XXYLT1: variants seen among roughly 807,000 people sequenced by gnomAD.
XXYLT1 encodes the protein xyloside xylosyltransferase 1.
A neutral mutation model predicts 28.9 loss-of-function variants in XXYLT1; 20 were observed. The ratio of observed to expected loss-of-function variants is 0.69; its 90% CI spans 0.49 to 1.00. The LOEUF (loss-of-function observed/expected upper bound fraction) is 1.00. Among genes scored for constraint, XXYLT1 ranks in the 50% least tolerant of loss-of-function variants. The probability of loss-of-function intolerance (pLI) is 0.00; values close to 1 mark genes in which losing one functional copy is unlikely to be tolerated. For synonymous variants in XXYLT1, 257 were observed against 253.8 expected (o/e 1.01, Z -0.12); for missense variants, 542 against 560.1 (o/e 0.97, Z 0.33).
chr3:195,139,341 GA>G (rs561035251), intron 3 of XXYLT1, among the ~76,000 whole-genome samples: 129 of 152,336 alleles, frequency 8.5e-4, no homozygotes, highest in African/African-American at 2.7e-3. Flanking sequence ...GACCTTCTAA[GA>G]GGCGGAAAAT....
At chr3:195,120,288 C>CCG (rs1428225844) in intron 3 of XXYLT1, among the ~76,000 whole-genome samples, 1 of 142,278 alleles carries the variant, frequency 7.0e-6, no homozygotes, top group Admixed American at 7.0e-5. Context: ...TCAGATGCCC[C>CCG]CCCCGCCCCA....
chr3:195,117,645 C>CT (rs1718118399), intron 3 of XXYLT1, among the ~76,000 whole-genome samples: 1 of 151,542 alleles, frequency 6.6e-6, no homozygotes, highest in Admixed American at 6.6e-5. Flanking sequence ...CTCCATGCAC[C>CT]CCCCTCTCTC....
chr3:195,114,862 T>C (rs2108603145), intron 3 of XXYLT1, among the ~76,000 whole-genome samples: 1 of 152,322 alleles, frequency 6.6e-6, no homozygotes, highest in South Asian at 2.1e-4. Context: ...CGCTCAGTGG[T>C]CTCCCTGCCG....
rs1718517469 is a variant in XXYLT1 at position 195,124,510 on chromosome 3, T to C, written c.785+31939A>G. Among the ~76,000 whole-genome samples, 2 of 152,108 alleles carry C rather than the reference T, an allele frequency of 1.3e-5. No individual in the cohort carries two copies. Among genetic ancestry groups the C allele is most frequent in the Non-Finnish European group, 2.9e-5 (2 of 68,034 alleles). ...ATAATTTGTCTAGTGTTTCTAGGCC[T>C]CCCCCTCTAGACTGTGAATTCCGTG... On this transcript the variant is annotated intron_variant, in intron 3 of 3. Coordinates refer to ENST00000310380, the MANE Select transcript of XXYLT1 (RefSeq NM_152531.5). This position sits in a 1 kb window ranked among gnomAD's most constrained non-coding sequence, Gnocchi z 4.1.
chr3:195,223,637 A>C (rs1162059306), intron 2 of XXYLT1, among the ~76,000 whole-genome samples: 3 of 152,234 alleles, frequency 2.0e-5, no homozygotes, highest in African/African-American at 7.2e-5. Context: ...TCAAGACAGC[A>C]CGAATGATGT....
rs186650069 is a variant in XXYLT1, at chr3:195,077,998, A to G, written c.786-7887T>C. On this transcript the variant is annotated intron_variant, in intron 3 of 3. Coordinates refer to ENST00000310380, the MANE Select transcript of XXYLT1 (RefSeq NM_152531.5). This position sits in a 1 kb window ranked among gnomAD's most constrained non-coding sequence, Gnocchi z 4.8. ...CTCACTCAGTCACATGCAGCCCCGG[A>G]GCCTCGGCCCTGGGAGGGGCAAGGG... Among the ~76,000 whole-genome samples the G allele has an allele frequency of 4.6e-5, 7 of 152,190 alleles. No individual in the cohort carries two copies. Among genetic ancestry groups the G allele is most frequent in the Non-Finnish European group, 1.0e-4 (7 of 68,010 alleles).
In XXYLT1 at chr3:195,088,705, G is replaced by A. The variant is rs1159475713; in HGVS notation, c.786-18594C>T. Reference sequence around the variant, plus strand: ...GACTTTGACGAGCTGAGAGAAGAAGGCTTCAGACGATCAAATTACTCTGAG... The same window carrying A: ...GACTTTGACGAGCTGAGAGAAGAAGACTTCAGACGATCAAATTACTCTGAG... On this transcript the variant is annotated intron_variant, in intron 3 of 3. Transcript: ENST00000310380. 9.2e-5 allele frequency among the ~76,000 whole-genome samples: 13 copies of A among 141,532 alleles called. No homozygotes were observed. In the East Asian group the frequency reaches 1.7e-3, roughly 19 times the overall value. 92.9% of individuals were successfully genotyped at this position (141,532 alleles called of 152,430 possible).
chr3:195,106,604 C>A (rs1195517604), intron 3 of XXYLT1, among the ~76,000 whole-genome samples: 2 of 152,230 alleles, frequency 1.3e-5, no homozygotes, highest in Non-Finnish European at 2.9e-5. Context: ...CCCCTGCCGG[C>A]GAGGCGCGGA....
At chr3:195,234,400 C>T (rs1360723567) in intron 1 of XXYLT1, among the ~76,000 whole-genome samples, 2 of 144,684 alleles carry the variant, frequency 1.4e-5, no homozygotes, top group African/African-American at 5.2e-5. Context: ...TCACTGCAAC[C>T]TCTTGCCTCC....
chr3:195,264,806 TG>T (rs772008238), intron 1 of XXYLT1, among the ~76,000 whole-genome samples: 1 of 152,150 alleles, frequency 6.6e-6, no homozygotes, highest in Non-Finnish European at 1.5e-5. Context: ...GGCTCACAAC[TG>T]CAGTCCAACA....
chr3:195,120,547 A>C (rs1312507580), intron 3 of XXYLT1, among the ~76,000 whole-genome samples: 2 of 152,176 alleles, frequency 1.3e-5, no homozygotes, highest in African/African-American at 2.4e-5. Context: ...CACCCCAATA[A>C]CATTAACTAA....
chr3:195,160,728 C>G (rs570386813), intron 2 of XXYLT1, among the ~76,000 whole-genome samples: 119 of 152,292 alleles, frequency 7.8e-4, no homozygotes, highest in African/African-American at 2.8e-3. Context: ...AGGCACGGTC[C>G]CCCTGTGCTC....
intron 3 of XXYLT1, among the ~76,000 whole-genome samples, chr3:195,153,245 G>A (rs953425850): frequency 1.3e-5 from 2 of 152,202 alleles, no homozygotes; most frequent in African/African-American, 2.4e-5. Context: ...GGTCCCCAGA[G>A]GTCCCCAGTC....
chr3:195,141,701 C>G (rs570468305), intron 3 of XXYLT1, among the ~76,000 whole-genome samples: 1 of 152,202 alleles, frequency 6.6e-6, no homozygotes, highest in African/African-American at 2.4e-5. Flanking sequence ...CCAGCGCCAG[C>G]CAGCCAATGC....
intron 2 of XXYLT1, among the ~76,000 whole-genome samples, chr3:195,214,347 C>T (rs1223291343): frequency 3.3e-5 from 5 of 152,104 alleles, no homozygotes; most frequent in South Asian, 2.1e-4. Flanking sequence ...GAGGCTCTCC[C>T]TCTTCCCTGC....
intron 3 of XXYLT1, among the ~76,000 whole-genome samples, chr3:195,103,737 G>A (rs1328894694): frequency 1.3e-5 from 2 of 152,004 alleles, no homozygotes; most frequent in African/African-American, 4.8e-5. Flanking sequence ...TGAGAAACTA[G>A]GGAAAAAAAA....
intron 3 of XXYLT1, among the ~76,000 whole-genome samples, chr3:195,085,015 CAG>C (rs1272560313): frequency 2.0e-5 from 3 of 152,216 alleles, no homozygotes; most frequent in Non-Finnish European, 4.4e-5. Context: ...CAAAAACCTC[CAG>C]AGTGTGTGGT....
intron 3 of XXYLT1, among the ~76,000 whole-genome samples, chr3:195,117,857 C>T (rs1718132414): frequency 1.3e-5 from 2 of 152,196 alleles, no homozygotes; most frequent in South Asian, 4.1e-4. Context: ...GTTCCCATTC[C>T]TGGGCCCCTG....
Position 195,168,540 on chromosome 3 carries a change from G to A in XXYLT1, c.653-11959C>T, listed in dbSNP as rs1300568338. Among the ~76,000 whole-genome samples, 3 of 152,224 alleles carry A rather than the reference G, an allele frequency of 2.0e-5. No homozygotes were observed. Among genetic ancestry groups the A allele is most frequent in the Non-Finnish European group, 2.9e-5 (2 of 68,036 alleles). The stretch of plus-strand genomic sequence containing the variant: ...TCCTACCCTGGTCCTGAGGGCAGCA[G>A]CCCTGCTCCCCAGTCACCCAGCAAG... On this transcript the variant is annotated intron_variant, in intron 2 of 3. Transcript: ENST00000310380. This position sits in a 1 kb window ranked among gnomAD's most constrained non-coding sequence, Gnocchi z 4.3.
Sources: gnomAD v4.1 joint callset for allele counts (sites outside exome capture counted in the v4.1 genomes callset) on GRCh38, gnomAD v4.1.1 for gene constraint, Gnocchi (gnomAD v3.1) non-coding constraint, MANE v1.5 for transcripts, NCBI Gene and HGNC (gene_info 2026-07-23, HGNC 2026-07-21) for gene names.